Variants in CACUL1 observed in about 807,000 individuals in gnomAD.
CACUL1 encodes CDK2-associated and cullin domain-containing protein 1.
Under a neutral mutation model 45.2 loss-of-function variants are expected in CACUL1, and 13 were observed. That is an observed-to-expected ratio of 0.29 (90% CI 0.19 to 0.46). The LOEUF (loss-of-function observed/expected upper bound fraction) is 0.46. Ranked by LOEUF, CACUL1 falls within the 20% of genes least tolerant of loss-of-function variation. CACUL1 has a pLI of 1.00. For missense variants in CACUL1, 421 were observed against 471.4 expected (o/e 0.89, Z 0.99); for synonymous variants, 197 against 174.2 (o/e 1.13, Z -1.03).
intron 1 of CACUL1, among the ~76,000 whole-genome samples, chr10:118,750,012 T>G (rs755922633): frequency 6.6e-6 from 1 of 152,154 alleles, no homozygotes; most frequent in East Asian, 1.9e-4. Flanking sequence ...GAAAACACTA[T>G]CAATGTCAAA....
intron 4 of CACUL1, among the ~76,000 whole-genome samples, chr10:118,706,518 A>G (rs1845433819): frequency 6.6e-6 from 1 of 152,244 alleles, no homozygotes; most frequent in Admixed American, 6.5e-5. Flanking sequence ...CTTCCCAGTA[A>G]GTTAATTCTG....
rs1204853414 is a variant in CACUL1, at chr10:118,679,781, A to C, written c.*6347T>G. ...TGATACGCCCACCTCAGCCTCCCAA[A>C]GGGCTGGGATTACAGGCGTGAGCCA... On this transcript the variant is annotated 3_prime_UTR_variant, in exon 9 of 9. Coordinates refer to ENST00000369151, the MANE Select transcript of CACUL1 (RefSeq NM_153810.5). 6.6e-6 allele frequency: 1 copy of C among 151,974 alleles called. No homozygotes were observed. The highest frequency in any genetic ancestry group is 1.5e-5 in the Non-Finnish European group (1 of 68,010). The allele number at this position is 151,974 out of a possible 1,614,324, so 9.4% of individuals were successfully genotyped here.
intron 6 of CACUL1, 29 bp from the exon 7 acceptor site, chr10:118,691,432 G>C: frequency 6.3e-7 from 1 of 1,591,922 alleles, no homozygotes; most frequent in Middle Eastern, 1.7e-4. Context: ...ATTCATTAAG[G>C]AAATCATATA....
At chr10:118,700,633 C>T (rs975081768) in intron 5 of CACUL1, among the ~76,000 whole-genome samples, 11 of 148,540 alleles carry the variant, frequency 7.4e-5, no homozygotes, top group East Asian at 2.0e-4. Context: ...AGGAGAATGG[C>T]GTGAACCCGA....
chr10:118,715,502 T>C (rs564224146), intron 3 of CACUL1, among the ~76,000 whole-genome samples: 1 of 152,314 alleles, frequency 6.6e-6, no homozygotes, highest in Admixed American at 6.5e-5. Context: ...GATGGGAATG[T>C]TCTAAATCTG....
chr10:118,716,947 A>G (rs568997536), intron 3 of CACUL1, among the ~76,000 whole-genome samples: 9 of 152,304 alleles, frequency 5.9e-5, no homozygotes, highest in Non-Finnish European at 1.0e-4. Context: ...TCCCTGCTTA[A>G]GAGAGACTAG....
intron 7 of CACUL1, 140 bp downstream of exon 7, chr10:118,691,125 A>T (rs149667259): frequency 0.013 from 8,786 of 697,798 alleles, 93 homozygotes; most frequent in Middle Eastern, 0.031. Flanking sequence ...ACAGACAAGG[A>T]GCTAATGTCT....
chr10:118,727,928 C>T lies in CACUL1; in HGVS notation c.597+1367G>A, dbSNP rs750290112. On this transcript the variant is annotated intron_variant, in intron 3 of 8. Coordinates refer to ENST00000369151, the MANE Select transcript of CACUL1 (RefSeq NM_153810.5). ...AATTAGAAAGCAAATCACTCAAAAG[C>T]TATAAAGCATAGATCTAGGGTTTCA... 3.9e-5 allele frequency among the ~76,000 whole-genome samples: 6 copies of T among 152,240 alleles called. No homozygotes were observed. In the South Asian group the frequency reaches 6.2e-4, roughly 16 times the overall value.
chr10:118,717,622 T>C (rs1845559339), intron 3 of CACUL1, among the ~76,000 whole-genome samples: 1 of 151,936 alleles, frequency 6.6e-6, no homozygotes, highest in Non-Finnish European at 1.5e-5. Flanking sequence ...TAAAAAAAAA[T>C]AAAGGACACA....
intron 3 of CACUL1, among the ~76,000 whole-genome samples, chr10:118,717,244 T>C (rs990781402): frequency 2.0e-5 from 3 of 152,208 alleles, no homozygotes; most frequent in South Asian, 2.1e-4. Context: ...AACTGAGCAG[T>C]AATCACCCAT....
At position 118,686,650 on chromosome 10, in the gene CACUL1, A is replaced by G; in HGVS notation, c.1026-9T>C. 1.2e-6 allele frequency: 2 copies of G among 1,610,462 alleles called. No individual in the cohort carries two copies. The highest frequency in any genetic ancestry group is 2.2e-5 in the East Asian group (1 of 44,858). On this transcript the variant is annotated splice_polypyrimidine_tract_variant and intron_variant, in intron 7 of 8. Coordinates refer to ENST00000369151, the MANE Select transcript of CACUL1 (RefSeq NM_153810.5). ...TCCGGGACTGGTCACCCCTGGGGAT[A>G]AGAAGAGGCAGTCAACAAAACTGAC... is the stretch of plus-strand genomic sequence containing the variant.
intron 1 of CACUL1, among the ~76,000 whole-genome samples, chr10:118,743,911 A>G (rs1279255520): frequency 6.6e-6 from 1 of 152,232 alleles, no homozygotes; most frequent in African/African-American, 2.4e-5. Context: ...GGCCAACAGA[A>G]CTACATTATA....
chr10:118,744,018 C>G (rs949673857), intron 1 of CACUL1, among the ~76,000 whole-genome samples: 1 of 152,196 alleles, frequency 6.6e-6, no homozygotes, highest in African/African-American at 2.4e-5. Flanking sequence ...TGATAACTAT[C>G]TGGGTAAATA....
chr10:118,740,379 T>C (rs1845780688), intron 1 of CACUL1, among the ~76,000 whole-genome samples: 1 of 151,256 alleles, frequency 6.6e-6, no homozygotes, highest in African/African-American at 2.4e-5. Flanking sequence ...GGAGGCCAAC[T>C]CAGGCAGATG....
intron 6 of CACUL1, chr10:118,694,838 G>C (rs1201551129): frequency 3.9e-6 from 1 of 255,478 alleles, no homozygotes; most frequent in African/African-American, 2.2e-5. Context: ...GCGTGAGGCA[G>C]GAAGTAAAGA....
At chr10:118,747,866 C>A (rs1274885360) in intron 1 of CACUL1, among the ~76,000 whole-genome samples, 1 of 152,138 alleles carries the variant, frequency 6.6e-6, no homozygotes, top group Non-Finnish European at 1.5e-5. Flanking sequence ...AGGTAGATCA[C>A]TTGGGGCCAG....
At chr10:118,700,150 G>C (rs1013687998) in intron 5 of CACUL1, among the ~76,000 whole-genome samples, 2 of 151,754 alleles carry the variant, frequency 1.3e-5, no homozygotes, top group Non-Finnish European at 2.9e-5. Context: ...GTCAAGCTTA[G>C]AACAATTCTT....
rs970158980 is a variant in CACUL1, at chr10:118,681,261, G to A, written c.*4867C>T. 1 of 152,242 alleles carries A rather than the reference G, an allele frequency of 6.6e-6. No homozygotes were observed. Among genetic ancestry groups the A allele is most frequent in the African/African-American group, 2.4e-5 (1 of 41,466 alleles). The allele number at this position is 152,242 out of a possible 1,614,324, so 9.4% of individuals were successfully genotyped here. On this transcript the variant is annotated 3_prime_UTR_variant, in exon 9 of 9. Transcript: ENST00000369151. Reference sequence around the variant, plus strand: ...ATTGCTTCATCCTTGCTCTGGCTGTGCTAGTGAGTGGCAAAAGCCTCTTGC... The same window carrying A: ...ATTGCTTCATCCTTGCTCTGGCTGTACTAGTGAGTGGCAAAAGCCTCTTGC...
intron 3 of CACUL1, among the ~76,000 whole-genome samples, chr10:118,722,876 G>C (rs766049933): frequency 3.4e-4 from 51 of 152,128 alleles, no homozygotes; most frequent in Non-Finnish European, 6.2e-4. Flanking sequence ...ACACCCAGAA[G>C]TTACTGCCCC....
Sources: allele counts gnomAD v4.1 joint callset (sites outside exome capture counted in the v4.1 genomes callset), GRCh38; gene constraint gnomAD v4.1.1; transcripts MANE v1.5; gene names NCBI Gene and HGNC (gene_info 2026-07-23, HGNC 2026-07-21).